The following TNR variants were observed in gnomAD, a reference collection of about 807,000 sequenced individuals.
TNR encodes the protein tenascin R.
Under a neutral mutation model 150.4 loss-of-function variants are expected in TNR, and 45 were observed. The ratio of observed to expected loss-of-function variants is 0.30; its 90% confidence interval spans 0.24 to 0.38. The LOEUF is 0.38. Among genes scored for constraint, TNR ranks in the 10% least tolerant of loss-of-function variants. The pLI, the probability that TNR is intolerant of heterozygous loss-of-function variation, is 1.00. For synonymous variants in TNR, 687 were observed against 678.4 expected, an observed-to-expected ratio of 1.01 and a Z score of -0.20; for missense variants, 1,544 against 1,759.1, an observed-to-expected ratio of 0.88 and a Z score of 2.19.
At chr1:175,691,008 G>A (rs949321507) in intron 1 of TNR, among the ~76,000 whole-genome samples, 1 of 152,182 alleles carries the variant, frequency 6.6e-6, no homozygotes, top group Non-Finnish European at 1.5e-5. Flanking sequence ...ATGGACTGTT[G>A]GATGAAGAAT....
chr1:175,438,587 T>C (rs1371013331), intron 2 of TNR, among the ~76,000 whole-genome samples: 1 of 152,140 alleles, frequency 6.6e-6, no homozygotes, highest in Non-Finnish European at 1.5e-5. Flanking sequence ...GGAAGTCAAA[T>C]TGTCCCAGTT....
intron 1 of TNR, among the ~76,000 whole-genome samples, chr1:175,739,517 C>T (rs1261033723): frequency 2.6e-5 from 4 of 151,968 alleles, no homozygotes; most frequent in East Asian, 1.9e-4. Flanking sequence ...CACACACGCA[C>T]GCACACACAC....
chr1:175,337,731 C>CA, intron 18 of TNR, 52 bp from the exon 19 acceptor site: 1 of 1,596,046 alleles, frequency 6.3e-7, no homozygotes, highest in Non-Finnish European at 8.5e-7. Flanking sequence ...TCACAGTGCA[C>CA]AAGAGCTCCT....
intron 2 of TNR, among the ~76,000 whole-genome samples, chr1:175,439,853 A>T (rs1571441895): frequency 6.6e-6 from 1 of 152,354 alleles, no homozygotes; most frequent in Admixed American, 6.5e-5. Context: ...TAGAATGGTG[A>T]TCATTAAAAA....
intron 2 of TNR, among the ~76,000 whole-genome samples, chr1:175,488,552 G>T (rs1418989095): frequency 1.3e-5 from 2 of 152,188 alleles, no homozygotes; most frequent in Non-Finnish European, 2.9e-5. Flanking sequence ...GATCCTCAAA[G>T]GCCCTGCACA....
chr1:175,376,758 G>A (rs898122641), intron 9 of TNR, among the ~76,000 whole-genome samples: 14 of 151,718 alleles, frequency 9.2e-5, no homozygotes, highest in African/African-American at 3.4e-4. Flanking sequence ...ATTTCCTTAT[G>A]TGCCAATAAT....
intron 1 of TNR, chr1:175,539,000 C>A (rs1463275414): frequency 6.6e-6 from 1 of 152,184 alleles, no homozygotes; most frequent in East Asian, 1.9e-4. Context: ...ACACTTTCAC[C>A]CTCTTACATT....
chr1:175,330,558 C>A, intron 20 of TNR: 1 of 226,884 alleles, frequency 4.4e-6, no homozygotes, highest in Admixed American at 5.5e-5. Context: ...CTCTGCCAAA[C>A]CATGGTACTA....
At chr1:175,451,707 G>A (rs1391162297) in intron 2 of TNR, among the ~76,000 whole-genome samples, 1 of 152,202 alleles carries the variant, frequency 6.6e-6, no homozygotes, top group African/African-American at 2.4e-5. Context: ...CTCAGCAGCA[G>A]GTAGAGCTAT....
chr1:175,495,563 T>C (rs1321966020), intron 2 of TNR, among the ~76,000 whole-genome samples: 1 of 152,182 alleles, frequency 6.6e-6, no homozygotes, highest in Non-Finnish European at 1.5e-5. Flanking sequence ...AAATTTCCTT[T>C]CTATAATACC....
intron 1 of TNR, among the ~76,000 whole-genome samples, chr1:175,554,661 T>C (rs986501739): frequency 2.0e-5 from 3 of 151,996 alleles, no homozygotes; most frequent in Non-Finnish European, 2.9e-5. Context: ...ATGGGGATGC[T>C]GGCCCTGCTA....
intron 2 of TNR, among the ~76,000 whole-genome samples, chr1:175,455,106 G>C (rs1045469181): frequency 6.6e-6 from 1 of 152,170 alleles, no homozygotes; most frequent in Admixed American, 6.5e-5. Context: ...GATAATCCCA[G>C]CCTGTGAGTT....
Position 175,317,203 on chromosome 1 carries a change from G to A in TNR, c.*6154C>T, listed in dbSNP as rs1648870929. The stretch of plus-strand genomic sequence containing the variant: ...GGTAAATAGTGGGTATGCAATAAAT[G>A]CTATTTATCTTAGTGTTCATTTGTG... On this transcript the variant is annotated 3_prime_UTR_variant, in exon 23 of 23. Transcript: ENST00000367674. 6.6e-6 allele frequency: 1 copy of A among 152,166 alleles called. No individual in the cohort carries two copies. Among genetic ancestry groups the A allele is most frequent in the South Asian group, 2.1e-4 (1 of 4,826 alleles). The allele number at this position is 152,166 out of a possible 1,614,324, so 9.4% of individuals were successfully genotyped here. A position where few individuals can be genotyped will look rare whatever the true frequency, so the allele number is the denominator to read the frequency against.
At position 175,599,564 on chromosome 1, in the gene TNR, C is replaced by A. The variant is rs565978694; in HGVS notation, c.-164-71195G>T. Among the ~76,000 whole-genome samples, 2 of 152,320 alleles carry A rather than the reference C, an allele frequency of 1.3e-5. No homozygotes were observed. The highest frequency in any genetic ancestry group is 2.9e-5 in the Non-Finnish European group (2 of 68,016). The stretch of plus-strand genomic sequence containing the variant: ...AATGGGGTCTCTGCTGGGCTAGTGT[C>A]CCGCATCAGCGGTAATGGGGCCGGC... On this transcript the variant is annotated intron_variant, in intron 1 of 22. Transcript: ENST00000367674. This position sits in a 1 kb window ranked among gnomAD's most constrained non-coding sequence, Gnocchi z 4.7.
At chr1:175,330,046 T>C in intron 21 of TNR, 28 bp downstream of exon 21, 1 of 1,523,404 alleles carries the variant, frequency 6.6e-7, no homozygotes, top group Non-Finnish European at 8.9e-7. Context: ...CCCACTGTCC[T>C]TGGGGTCTGC....
intron 1 of TNR, among the ~76,000 whole-genome samples, chr1:175,700,152 G>T (rs1366743547): frequency 6.6e-6 from 1 of 151,102 alleles, no homozygotes; most frequent in African/African-American, 2.4e-5. Flanking sequence ...AGGCTAGAAG[G>T]TTTGGCAAGG....
Position 175,396,816 on chromosome 1 carries a change from A to T in TNR, c.977-9T>A. On this transcript the variant is annotated splice_polypyrimidine_tract_variant and intron_variant, in intron 4 of 22. Transcript: ENST00000367674. ...GTCCTCTGGAGGGGCAACTACCGGG[A>T]GGCAATACACAGATAGCATGAGCTC... is the stretch of plus-strand genomic sequence containing the variant. 6.2e-7 allele frequency: 1 copy of T among 1,611,026 alleles called. No individual in the cohort carries two copies. The highest frequency in any genetic ancestry group is 8.5e-7 in the Non-Finnish European group (1 of 1,177,720).
In TNR at chr1:175,420,082, C is replaced by T. The variant is rs544473512; in HGVS notation, c.-63-13305G>A. Among the ~76,000 whole-genome samples, 10 of 152,306 alleles carry T rather than the reference C, an allele frequency of 6.6e-5. 1 individual carries two copies. The highest frequency in any genetic ancestry group is 2.4e-4 in the African/African-American group (10 of 41,584). On this transcript the variant is annotated intron_variant, in intron 2 of 22. Coordinates refer to ENST00000367674, the MANE Select transcript of TNR (RefSeq NM_003285.3). ...CCCTTGGCTGAAGGGCACTGCTTCT[C>T]TCAAGGTGACCTTCTCTACACCACT...
intron 1 of TNR, among the ~76,000 whole-genome samples, chr1:175,741,820 C>T (rs1441807773): frequency 6.6e-6 from 1 of 152,140 alleles, no homozygotes; most frequent in African/African-American, 2.4e-5. Flanking sequence ...AAAAATAAGA[C>T]AAAGAATCAC....
Sources: allele counts gnomAD v4.1 joint callset (sites outside exome capture counted in the v4.1 genomes callset), GRCh38; gene constraint gnomAD v4.1.1; non-coding constraint Gnocchi (gnomAD v3.1); transcripts MANE v1.5; gene names NCBI Gene and HGNC (gene_info 2026-07-23, HGNC 2026-07-21).